MEGF6: variants seen among roughly 807,000 people sequenced by gnomAD.
MEGF6 encodes the protein multiple EGF like domains 6.
MEGF6 carries 184 observed loss-of-function variants against 207.1 expected under a neutral mutation model. The ratio of observed to expected loss-of-function variants is 0.89; its 90% CI spans 0.79 to 1.00. MEGF6 has a LOEUF of 1.00. Ranked by LOEUF, MEGF6 falls within the 50% of genes least tolerant of loss-of-function variation. The pLI is 0.00. For synonymous variants in MEGF6, 1,038 were observed against 910.0 expected (o/e 1.14, Z -2.53); for missense variants, 2,282 against 2,202.9 (o/e 1.04, Z -0.72).
intron 4 of MEGF6, among the ~76,000 whole-genome samples, chr1:3,567,262 C>T (rs1370241462): frequency 1.3e-5 from 2 of 152,216 alleles, no homozygotes; most frequent in African/African-American, 4.8e-5. Flanking sequence ...GGACACGCTT[C>T]CTCCCTTCCT....
chr1:3,494,555 G>A, intron 31 of MEGF6, 56 bp from the exon 32 acceptor site: 2 of 1,562,534 alleles, frequency 1.3e-6, no homozygotes, highest in South Asian at 1.2e-5. Context: ...CAGCCCTATG[G>A]CAGCCCAGGG....
chr1:3,496,645 A>G lies in MEGF6; in HGVS notation c.3742+10T>C, dbSNP rs747186826. On this transcript the variant is annotated intron_variant, in intron 29 of 36. Coordinates refer to ENST00000356575, the MANE Select transcript of MEGF6 (RefSeq NM_001409.4). ...GGCGCCACTCAGCACTGCTGCCACC[A>G]GCCACTCACTGAGGTTGCAGTCCGT... is the stretch of plus-strand genomic sequence containing the variant. 1.3e-6 allele frequency: 2 copies of G among 1,574,626 alleles called. No homozygotes were observed. Among genetic ancestry groups the G allele is most frequent in the South Asian group, 1.2e-5 (1 of 86,248 alleles).
upstream of MEGF6, among the ~76,000 whole-genome samples, chr1:3,611,802 C>G (rs893114912): frequency 6.6e-6 from 1 of 151,242 alleles, no homozygotes; most frequent in Non-Finnish European, 1.5e-5. Context: ...GGGGCTGGCG[C>G]AGCCCCTTTG....
chr1:3,562,755 G>A (rs1226850410), intron 4 of MEGF6, among the ~76,000 whole-genome samples: 1 of 152,204 alleles, frequency 6.6e-6, no homozygotes. Context: ...GGTTGGACAG[G>A]CTCAGGCCTC....
At chr1:3,572,657 G>GA (rs1643537704) in intron 4 of MEGF6, among the ~76,000 whole-genome samples, 1 of 147,812 alleles carries the variant, frequency 6.8e-6, no homozygotes, top group African/African-American at 2.5e-5. Context: ...GGTCCTTCCT[G>GA]GTGTACTGGG....
At chr1:3,493,047 C>A in intron 34 of MEGF6, 1 of 477,220 alleles carries the variant, frequency 2.1e-6, no homozygotes, top group Non-Finnish European at 3.8e-6. Context: ...CTGCCCCGCC[C>A]CAGGAGGGCA....
rs1200358279 is a variant in MEGF6, at chr1:3,490,952, G to C, written c.4524C>G (p.Pro1508=). The C allele has an allele frequency of 6.2e-7, 1 of 1,600,314 alleles. No homozygotes were observed. Among genetic ancestry groups the C allele is most frequent in the Non-Finnish European group, 8.5e-7 (1 of 1,175,950 alleles). The change falls in exon 36 of 37, where the codon CCC becomes CCG. Residue 1508 remains proline (P), a synonymous_variant. Coordinates refer to ENST00000356575, the MANE Select transcript of MEGF6 (RefSeq NM_001409.4). ...AGGACGGGTTCTCGGGGAGCCGGAG[G>C]GGCCCACCTGGAGGGGAGAGAGAGC... ...YMGPTCREGG[P]LRLPENPSLA...
intron 4 of MEGF6, among the ~76,000 whole-genome samples, chr1:3,533,033 C>T (rs1228280918): frequency 6.6e-6 from 1 of 152,236 alleles, no homozygotes; most frequent in African/African-American, 2.4e-5. Context: ...GCAGAGCCTC[C>T]ACCTTCTCTC....
chr1:3,514,830 G>A (rs1641481801), intron 6 of MEGF6, among the ~76,000 whole-genome samples, 158 bp from the exon 7 acceptor site: 1 of 152,190 alleles, frequency 6.6e-6, no homozygotes, highest in South Asian at 2.1e-4. Flanking sequence ...CCTCCCAGGT[G>A]CGGGAAGCCC....
chr1:3,489,331 C>T lies in MEGF6; in HGVS notation c.*1197G>A, dbSNP rs538313476. On this transcript the variant is annotated 3_prime_UTR_variant, in exon 37 of 37. Transcript: ENST00000356575. ...TTGGCTGGTTTTAGGGTGATGGGGG[C>T]GGCAGCCCAGACCCTAAGGGGGCCT... is the stretch of plus-strand genomic sequence containing the variant. Among the ~76,000 whole-genome samples, 7 of 152,314 alleles carry T rather than the reference C, an allele frequency of 4.6e-5. No individual in the cohort carries two copies. In the South Asian group the frequency reaches 8.3e-4, roughly 18 times the overall value.
At chr1:3,597,511 G>A (rs556544237) in intron 2 of MEGF6, among the ~76,000 whole-genome samples, 1 of 152,310 alleles carries the variant, frequency 6.6e-6, no homozygotes, top group South Asian at 2.1e-4. Flanking sequence ...CTTACTTCTT[G>A]GAAATAGGGT....
rs1031698368 is a variant in MEGF6, at chr1:3,594,626, G to A, written c.376+712C>T. Among the ~76,000 whole-genome samples the A allele has an allele frequency of 5.3e-5, 8 of 152,022 alleles. No homozygotes were observed. The highest frequency in any genetic ancestry group is 3.3e-4 in the Admixed American group (5 of 15,270). The stretch of plus-strand genomic sequence containing the variant: ...GGGACACTGACCCCTTTGCCCAGGC[G>A]GTTTCACTGGCGGGGCTTCTGTCCC... On this transcript the variant is annotated intron_variant, in intron 3 of 36. Transcript: ENST00000356575. The surrounding 1 kb of genome is among the most constrained non-coding windows in gnomAD (Gnocchi z 4.2).
chr1:3,505,088 T>A, intron 17 of MEGF6, 120 bp downstream of exon 17: 8 of 1,407,886 alleles, frequency 5.7e-6, no homozygotes, highest in Non-Finnish European at 7.7e-6. Context: ...CCACCTGGGC[T>A]TAGGCAAAGG....
At chr1:3,521,604 T>G (rs1337464683) in intron 5 of MEGF6, among the ~76,000 whole-genome samples, 2 of 152,128 alleles carry the variant, frequency 1.3e-5, no homozygotes, top group Non-Finnish European at 2.9e-5. Flanking sequence ...TGGCTTTGCC[T>G]GGGAGGTGGC....
chr1:3,616,970 A>G, the MEGF6 span, among the ~76,000 whole-genome samples: 1 of 152,200 alleles, frequency 6.6e-6, no homozygotes, highest in African/African-American at 2.4e-5. Flanking sequence ...GAACCATGGT[A>G]CCAGCAAGCA....
intron 17 of MEGF6, among the ~76,000 whole-genome samples, chr1:3,502,757 G>A (rs1185682562): frequency 1.3e-5 from 2 of 152,132 alleles, no homozygotes; most frequent in African/African-American, 4.8e-5. Context: ...GGAAGCCCTG[G>A]AGTGACCTCC....
chr1:3,618,951 C>CT, the MEGF6 span, among the ~76,000 whole-genome samples: 1 of 152,250 alleles, frequency 6.6e-6, no homozygotes, highest in Admixed American at 6.5e-5. This position sits in a 1 kb window ranked among gnomAD's most constrained non-coding sequence, Gnocchi z 4.7. Flanking sequence ...TTGGGCTGCC[C>CT]TTTGGCACGT....
At chr1:3,557,076 C>A (rs1643057777) in intron 4 of MEGF6, among the ~76,000 whole-genome samples, 1 of 152,072 alleles carries the variant, frequency 6.6e-6, no homozygotes, top group Non-Finnish European at 1.5e-5. Flanking sequence ...GGCGCTGCTG[C>A]CTTGGAAGGA....
In MEGF6 at chr1:3,497,221, G is replaced by A; in HGVS notation, c.3481+12C>T. 1 of 1,513,306 alleles carries A rather than the reference G, an allele frequency of 6.6e-7. No individual in the cohort carries two copies. The highest frequency in any genetic ancestry group is 8.8e-7 in the Non-Finnish European group (1 of 1,131,760). 93.7% of individuals were successfully genotyped at this position (1,513,306 alleles called of 1,614,324 possible). A position where few individuals can be genotyped will look rare whatever the true frequency, so the allele number is the denominator to read the frequency against. On this transcript the variant is annotated intron_variant, in intron 27 of 36. Transcript: ENST00000356575. ...CAGCCGCTCCTCGGGGTGGGGGCTTGGGAGCACCTACCCTGCTCGCAGCCG... is the reference window on the plus strand; with the variant it reads ...CAGCCGCTCCTCGGGGTGGGGGCTTAGGAGCACCTACCCTGCTCGCAGCCG...
Sources: allele counts gnomAD v4.1 joint callset (sites outside exome capture counted in the v4.1 genomes callset), GRCh38; gene constraint gnomAD v4.1.1; non-coding constraint Gnocchi (gnomAD v3.1); transcripts MANE v1.5; gene names NCBI Gene and HGNC (gene_info 2026-07-23, HGNC 2026-07-21).